The following FMN2 variants were observed in gnomAD, a reference collection of about 807,000 sequenced individuals.
The protein encoded by FMN2 is formin-2.
A neutral mutation model predicts 142.3 loss-of-function variants in FMN2; 51 were observed. That is an observed-to-expected ratio of 0.36 (90% CI 0.29 to 0.45). The LOEUF is 0.45. FMN2 is among the 20% of genes least tolerant of loss of function. The pLI is 1.00. For missense variants in FMN2, 1,936 were observed against 2,122.8 expected (o/e 0.91, Z 1.73); for synonymous variants, 882 against 869.8 (o/e 1.01, Z -0.25).
chr1:240,170,043 A>C, intron 2 of FMN2: 2 of 574,618 alleles, frequency 3.5e-6, no homozygotes, highest in Admixed American at 3.0e-5. Flanking sequence ...ACAGATGGAC[A>C]TTCTGTCTCT....
chr1:240,400,492 G>A (rs1253900993), intron 15 of FMN2, among the ~76,000 whole-genome samples: 1 of 152,180 alleles, frequency 6.6e-6, no homozygotes, highest in Non-Finnish European at 1.5e-5. Context: ...CTGCTTCTAG[G>A]ACCTTGTATG....
At chr1:240,251,991 C>G (rs1476087528) in intron 6 of FMN2, among the ~76,000 whole-genome samples, 1 of 152,186 alleles carries the variant, frequency 6.6e-6, no homozygotes, top group African/African-American at 2.4e-5. Flanking sequence ...TCAGTGCAAC[C>G]TCCGCCTCCC....
At chr1:240,292,222 GACTTGGA>G (rs1465035376) in intron 7 of FMN2, among the ~76,000 whole-genome samples, 1 of 152,084 alleles carries the variant, frequency 6.6e-6, no homozygotes, top group Non-Finnish European at 1.5e-5. Context: ...TGAAATTTTG[GACTTGGA>G]ACCAAGAAAT....
rs559534092 is a variant in FMN2, at chr1:240,248,197, A to G, written c.4066-9748A>G. Among the ~76,000 whole-genome samples, 9 of 152,044 alleles carry G rather than the reference A, an allele frequency of 5.9e-5. No individual in the cohort carries two copies. In the East Asian group the frequency reaches 1.7e-3, roughly 30 times the overall value. ...TCCCACATATGAGTGAGAGTGTACA[A>G]TACTTGTCTTTCTTTACCTGGCTTA... is the stretch of plus-strand genomic sequence containing the variant. On this transcript the variant is annotated intron_variant, in intron 6 of 17. Transcript: ENST00000319653.
intron 14 of FMN2, among the ~76,000 whole-genome samples, chr1:240,358,738 A>G (rs768607159): frequency 3.3e-5 from 5 of 152,134 alleles, no homozygotes; most frequent in African/African-American, 1.2e-4. Flanking sequence ...CCATGATTCA[A>G]TTACCTCCAC....
chr1:240,448,858 A>G (rs1675912293), intron 16 of FMN2, among the ~76,000 whole-genome samples: 1 of 152,028 alleles, frequency 6.6e-6, no homozygotes, highest in Non-Finnish European at 1.5e-5. Flanking sequence ...AAAGTGGTTA[A>G]CTGGCAGGGT....
chr1:240,200,160 C>T (rs1273575300), intron 4 of FMN2, among the ~76,000 whole-genome samples: 1 of 152,156 alleles, frequency 6.6e-6, no homozygotes, highest in Non-Finnish European at 1.5e-5. Context: ...CAACAGAGCG[C>T]CTGGCAGTCT....
At chr1:240,140,555 G>C (rs1663136762) in intron 2 of FMN2, among the ~76,000 whole-genome samples, 1 of 151,836 alleles carries the variant, frequency 6.6e-6, no homozygotes, top group African/African-American at 2.4e-5. Flanking sequence ...GACTGCTGGG[G>C]CCTGCTGTTT....
chr1:240,112,328 C>T (rs1661843497), intron 1 of FMN2, among the ~76,000 whole-genome samples: 1 of 152,152 alleles, frequency 6.6e-6, no homozygotes, highest in South Asian at 2.1e-4. Flanking sequence ...GACCGGGTTT[C>T]ACCCTGTTGG....
chr1:240,162,485 G>T (rs1664318825), intron 2 of FMN2, among the ~76,000 whole-genome samples: 1 of 152,108 alleles, frequency 6.6e-6, no homozygotes, highest in Non-Finnish European at 1.5e-5. Context: ...GCAAAAGCTA[G>T]TTATGAAACG....
At chr1:240,469,524 A>G (rs1249598787) in intron 16 of FMN2, among the ~76,000 whole-genome samples, 2 of 152,190 alleles carry the variant, frequency 1.3e-5, no homozygotes, top group African/African-American at 2.4e-5. Flanking sequence ...GGCAGCAGAA[A>G]GGAGAACTGT....
At chr1:240,253,706 G>C (rs534411594) in intron 6 of FMN2, among the ~76,000 whole-genome samples, 1 of 152,274 alleles carries the variant, frequency 6.6e-6, no homozygotes, top group African/African-American at 2.4e-5. Context: ...TGTGCATCTG[G>C]TATAACAGTC....
At chr1:240,328,935 T>TATA (rs1491152122) in intron 8 of FMN2, 141 bp from the exon 9 acceptor site, 1 of 741,140 alleles carries the variant, frequency 1.3e-6, no homozygotes, top group African/African-American at 1.8e-5. Context: ...CAAGCTTTAC[T>TATA]ATATACAGAT....
chr1:240,208,859 T>A lies in FMN2; in HGVS notation c.3920+127T>A, dbSNP rs1018444990. On this transcript the variant is annotated intron_variant, in intron 5 of 17. Coordinates refer to ENST00000319653, the MANE Select transcript of FMN2 (RefSeq NM_020066.5). Reference sequence around the variant, plus strand: ...CAACTCTAAAACTCGTCTAGATTTTTACATCAATATATAGTGCAGCAGTTT... The same window carrying A: ...CAACTCTAAAACTCGTCTAGATTTTAACATCAATATATAGTGCAGCAGTTT... 24 of 1,207,684 alleles carry A rather than the reference T, an allele frequency of 2.0e-5. No homozygotes were observed. In the African/African-American group the frequency reaches 3.6e-4, roughly 18 times the overall value. 74.8% of individuals were successfully genotyped at this position (1,207,684 alleles called of 1,614,324 possible). A position where few individuals can be genotyped will look rare whatever the true frequency, so the allele number is the denominator to read the frequency against.
intron 6 of FMN2, among the ~76,000 whole-genome samples, chr1:240,254,345 G>T (rs970658883): frequency 8.5e-5 from 13 of 152,164 alleles, no homozygotes; most frequent in African/African-American, 3.1e-4. Context: ...TAGGTTGGGT[G>T]GGTTTGTCCT....
chr1:240,130,239 A>G (rs1571959659), intron 2 of FMN2, among the ~76,000 whole-genome samples: 2 of 152,138 alleles, frequency 1.3e-5, no homozygotes, highest in East Asian at 3.9e-4. Context: ...CAATATCACA[A>G]CCCCCAGGCC....
intron 2 of FMN2, among the ~76,000 whole-genome samples, chr1:240,149,877 T>G (rs1391589927): frequency 2.0e-5 from 3 of 152,238 alleles, no homozygotes; most frequent in Non-Finnish European, 4.4e-5. Flanking sequence ...GCGAAAGCTT[T>G]ATAGATTTTT....
intron 8 of FMN2, among the ~76,000 whole-genome samples, chr1:240,307,459 A>G (rs915152864): frequency 1.3e-5 from 2 of 152,180 alleles, no homozygotes; most frequent in Admixed American, 1.3e-4. Flanking sequence ...ATTCTTCTGC[A>G]TATGGTTAGC....
intron 16 of FMN2, among the ~76,000 whole-genome samples, chr1:240,450,976 T>C (rs1676016742): frequency 6.6e-6 from 1 of 152,226 alleles, no homozygotes; most frequent in African/African-American, 2.4e-5. Flanking sequence ...GGTATCCTTG[T>C]GCTACTGTAC....
Sources: gnomAD v4.1 joint callset for allele counts (sites outside exome capture counted in the v4.1 genomes callset) on GRCh38, gnomAD v4.1.1 for gene constraint, MANE v1.5 for transcripts, NCBI Gene and HGNC (gene_info 2026-07-23, HGNC 2026-07-21) for gene names.